The following FOXK1 variants were observed in gnomAD, a reference collection of about 807,000 sequenced individuals.
The protein encoded by FOXK1 is forkhead box protein K1.
A neutral mutation model predicts 51.9 loss-of-function variants in FOXK1; 19 were observed. That is an observed-to-expected ratio of 0.37 (90% CI 0.26 to 0.54). The LOEUF (loss-of-function observed/expected upper bound fraction) is 0.54, where lower values mean the gene tolerates loss of function less well. FOXK1 is among the 20% of genes least tolerant of loss of function. The pLI is 0.87. For missense variants in FOXK1, 870 were observed against 1,032.7 expected (o/e 0.84, Z 2.16); for synonymous variants, 537 against 482.6 (o/e 1.11, Z -1.48).
chr7:4,683,005 C>A lies in FOXK1; in HGVS notation c.560+137C>A. The A allele has an allele frequency of 1.1e-6, 1 of 927,150 alleles. No homozygotes were observed. The highest frequency in any genetic ancestry group is 1.9e-5 in the South Asian group (1 of 51,800). 57.4% of individuals were successfully genotyped at this position (927,150 alleles called of 1,614,324 possible). On this transcript the variant is annotated intron_variant, in intron 1 of 8. Coordinates refer to ENST00000328914, the MANE Select transcript of FOXK1 (RefSeq NM_001037165.2). The surrounding 1 kb of genome is among the most constrained non-coding windows in gnomAD (Gnocchi z 4.5). The stretch of plus-strand genomic sequence containing the variant: ...CCCCCGGCCCACCCCCGGTAACCCC[C>A]GACCGGCCTGGACTCCGGGGTCAAC...
chr7:4,724,618 G>A (rs866773959), intron 1 of FOXK1, among the ~76,000 whole-genome samples: 1 of 152,226 alleles, frequency 6.6e-6, no homozygotes, highest in Admixed American at 6.5e-5. Context: ...TGTGCGCTGC[G>A]TGGCTCCACG....
intron 5 of FOXK1, 39 bp from the exon 6 acceptor site, chr7:4,759,012 C>T (rs748726977): frequency 9.7e-6 from 15 of 1,546,460 alleles, no homozygotes; most frequent in African/African-American, 6.8e-5. Flanking sequence ...CATCCCTCAG[C>T]GCGGGCGCTG....
rs1020258589 is a variant in FOXK1, at chr7:4,735,684, G to A, written c.561-5154G>A. Among the ~76,000 whole-genome samples the A allele has an allele frequency of 2.0e-5, 3 of 152,160 alleles. No individual in the cohort carries two copies. The highest frequency in any genetic ancestry group is 2.1e-4 in the South Asian group (1 of 4,832). On this transcript the variant is annotated intron_variant, in intron 1 of 8. Transcript: ENST00000328914. The surrounding 1 kb of genome is among the most constrained non-coding windows in gnomAD (Gnocchi z 4.7). ...CTCTGTGGACACACTTAACCTTAGC[G>A]GAATCTCCGCCGGTCAAGACCGGCA...
chr7:4,754,059 C>T (rs528171689), intron 2 of FOXK1, among the ~76,000 whole-genome samples: 32 of 152,306 alleles, frequency 2.1e-4, no homozygotes, highest in African/African-American at 2.4e-5. Context: ...TTTCCCACAG[C>T]GCCGCCTTGT....
chr7:4,690,249 T>A (rs1779874883), intron 1 of FOXK1, among the ~76,000 whole-genome samples: 1 of 152,224 alleles, frequency 6.6e-6, no homozygotes, highest in African/African-American at 2.4e-5. Context: ...GGGAGAACAA[T>A]CACTGCTGCA....
Position 4,749,260 on chromosome 7 carries a change from C to T in FOXK1, c.747-5199C>T, listed in dbSNP as rs1040646111. 6.6e-6 allele frequency among the ~76,000 whole-genome samples: 1 copy of T among 152,184 alleles called. No homozygotes were observed. Among genetic ancestry groups the T allele is most frequent in the Admixed American group, 6.5e-5 (1 of 15,278 alleles). On this transcript the variant is annotated intron_variant, in intron 2 of 8. Coordinates refer to ENST00000328914, the MANE Select transcript of FOXK1 (RefSeq NM_001037165.2). This position sits in a 1 kb window ranked among gnomAD's most constrained non-coding sequence, Gnocchi z 6.0. ...AGGGACGGGAACCATGTTTCATCTC[C>T]TCCCAAGCTCCCGTAGGCTTCCCTG... is the stretch of plus-strand genomic sequence containing the variant.
rs942308565 is a variant in FOXK1 at position 4,709,522 on chromosome 7, C to A, written c.560+26654C>A. 6.6e-6 allele frequency among the ~76,000 whole-genome samples: 1 copy of A among 152,198 alleles called. No homozygotes were observed. Among genetic ancestry groups the A allele is most frequent in the Non-Finnish European group, 1.5e-5 (1 of 68,038 alleles). On this transcript the variant is annotated intron_variant, in intron 1 of 8. Transcript: ENST00000328914. The surrounding 1 kb of genome is among the most constrained non-coding windows in gnomAD (Gnocchi z 5.6). The stretch of plus-strand genomic sequence containing the variant: ...ACCCCTGCTGGCAGATCGAGGCTGG[C>A]CCGTGACCGGGGCAGGCGGACCTTC...
chr7:4,717,481 GCAT>G (rs1780251122), intron 1 of FOXK1, among the ~76,000 whole-genome samples: 1 of 148,514 alleles, frequency 6.7e-6, no homozygotes, highest in African/African-American at 2.5e-5. Flanking sequence ...TGGCTGGGAG[GCAT>G]GTGGCTGGGA....
intron 2 of FOXK1, 38 bp from the exon 3 acceptor site, chr7:4,754,421 C>T (rs1457172522): frequency 8.7e-6 from 14 of 1,601,420 alleles, no homozygotes; most frequent in Non-Finnish European, 3.4e-6. Context: ...GCCCCCTCTT[C>T]AGAGCCATGA....
rs963575104 is a variant in FOXK1 at position 4,747,345 on chromosome 7, G to C, written c.746+6322G>C. On this transcript the variant is annotated intron_variant, in intron 2 of 8. Transcript: ENST00000328914. The surrounding 1 kb of genome is among the most constrained non-coding windows in gnomAD (Gnocchi z 9.2). Reference sequence around the variant, plus strand: ...ACCCCGGAACCTGCCTAGCTGCGGGGCCGCCTCTCCGCTCAAGCACCCACT... The same window carrying C: ...ACCCCGGAACCTGCCTAGCTGCGGGCCCGCCTCTCCGCTCAAGCACCCACT... 6.6e-6 allele frequency among the ~76,000 whole-genome samples: 1 copy of C among 152,200 alleles called. No homozygotes were observed. Among genetic ancestry groups the C allele is most frequent in the African/African-American group, 2.4e-5 (1 of 41,452 alleles).
rs1325364068 is a variant in FOXK1, at chr7:4,722,337, C to T, written c.561-18501C>T. On this transcript the variant is annotated intron_variant, in intron 1 of 8. Coordinates refer to ENST00000328914, the MANE Select transcript of FOXK1 (RefSeq NM_001037165.2). The surrounding 1 kb of genome is among the most constrained non-coding windows in gnomAD (Gnocchi z 5.1). ...ACTCTCTAAGGTTTTACCCAGATTCCCATTGTTGCCTCTTATGTACTTTGG... is the reference window on the plus strand; with the variant it reads ...ACTCTCTAAGGTTTTACCCAGATTCTCATTGTTGCCTCTTATGTACTTTGG... Among the ~76,000 whole-genome samples, 2 of 152,364 alleles carry T rather than the reference C, an allele frequency of 1.3e-5. No homozygotes were observed. Among genetic ancestry groups the T allele is most frequent in the East Asian group, 3.9e-4 (2 of 5,186 alleles).
intron 1 of FOXK1, among the ~76,000 whole-genome samples, chr7:4,719,194 G>A (rs1009507957): frequency 6.6e-6 from 1 of 151,894 alleles, no homozygotes; most frequent in South Asian, 2.1e-4. Flanking sequence ...GAGTGCGATG[G>A]CACAATCATG....
At chr7:4,732,380 C>T (rs1446154750) in intron 1 of FOXK1, among the ~76,000 whole-genome samples, 2 of 152,222 alleles carry the variant, frequency 1.3e-5, no homozygotes, top group African/African-American at 2.4e-5. Context: ...GCGGCCTCCG[C>T]TGCCCAGGCT....
At position 4,692,870 on chromosome 7, in the gene FOXK1, G is replaced by A. The variant is rs1779910214; in HGVS notation, c.560+10002G>A. ...GCCTCCCAAGTAGCTGGGACCACAG[G>A]TGAGCACCACCAGACCAGCTAATTT... On this transcript the variant is annotated intron_variant, in intron 1 of 8. Transcript: ENST00000328914. 2.0e-5 allele frequency among the ~76,000 whole-genome samples: 3 copies of A among 152,258 alleles called. No individual in the cohort carries two copies. The East Asian group carries it at 5.8e-4, about 29-fold the overall frequency.
intron 1 of FOXK1, among the ~76,000 whole-genome samples, chr7:4,696,175 G>A (rs1241261677): frequency 6.6e-6 from 1 of 151,944 alleles, no homozygotes; most frequent in Admixed American, 6.6e-5. Flanking sequence ...ACATTAGGAG[G>A]GGAGGCTTCC....
In FOXK1 at chr7:4,703,888, G is replaced by T. The variant is rs1445168122; in HGVS notation, c.560+21020G>T. 1.3e-5 allele frequency among the ~76,000 whole-genome samples: 2 copies of T among 152,182 alleles called. No individual in the cohort carries two copies. Among genetic ancestry groups the T allele is most frequent in the African/African-American group, 4.8e-5 (2 of 41,438 alleles). On this transcript the variant is annotated intron_variant, in intron 1 of 8. Coordinates refer to ENST00000328914, the MANE Select transcript of FOXK1 (RefSeq NM_001037165.2). This position sits in a 1 kb window ranked among gnomAD's most constrained non-coding sequence, Gnocchi z 5.6. ...ACATATGGCAGTCACATTACATTAT[G>T]ACCATGAAGGCTAAATACTCCCAGT...
intron 2 of FOXK1, among the ~76,000 whole-genome samples, chr7:4,751,528 C>T (rs931078323): frequency 2.0e-5 from 3 of 152,198 alleles, no homozygotes; most frequent in African/African-American, 7.2e-5. Context: ...CTCTTAGCGG[C>T]TGTGAGGCTC....
chr7:4,757,840 C>T (rs1035805709), intron 5 of FOXK1, among the ~76,000 whole-genome samples: 4 of 151,956 alleles, frequency 2.6e-5, no homozygotes, highest in African/African-American at 9.7e-5. Context: ...AGATTTGGTA[C>T]CCACAACCCC....
At chr7:4,732,778 AGAG>A (rs748044055) in intron 1 of FOXK1, among the ~76,000 whole-genome samples, 3 of 152,214 alleles carry the variant, frequency 2.0e-5, no homozygotes, top group Non-Finnish European at 2.9e-5. Flanking sequence ...GCTTTCCGTT[AGAG>A]AAGACAGGGT....
Sources: allele counts gnomAD v4.1 joint callset (sites outside exome capture counted in the v4.1 genomes callset), GRCh38; gene constraint gnomAD v4.1.1; non-coding constraint Gnocchi (gnomAD v3.1); transcripts MANE v1.5; gene names NCBI Gene and HGNC (gene_info 2026-07-23, HGNC 2026-07-21).